Variants in FRMD5 observed in about 807,000 individuals in gnomAD.
FRMD5 encodes the protein FERM domain containing 5.
A neutral mutation model predicts 69.0 loss-of-function variants in FRMD5; 20 were observed. That is an observed-to-expected ratio of 0.29 (90% CI 0.20 to 0.42). FRMD5 has a LOEUF of 0.42. Ranked by LOEUF, FRMD5 falls within the 10% of genes least tolerant of loss-of-function variation. The probability of loss-of-function intolerance (pLI) is 1.00; values close to 1 mark genes in which losing one functional copy is unlikely to be tolerated. For synonymous variants in FRMD5, 271 were observed against 260.1 expected (o/e 1.04, Z -0.40); for missense variants, 595 against 708.6 (o/e 0.84, Z 1.82).
intron 1 of FRMD5, among the ~76,000 whole-genome samples, chr15:43,963,372 A>C (rs1168846688): frequency 6.6e-6 from 1 of 152,236 alleles, no homozygotes; most frequent in Non-Finnish European, 1.5e-5. Context: ...ATCTCATGCC[A>C]GTTAGAATGG....
chr15:44,034,335 G>C (rs1418688371), intron 1 of FRMD5, among the ~76,000 whole-genome samples: 1 of 152,038 alleles, frequency 6.6e-6, no homozygotes, highest in African/African-American at 2.4e-5. Flanking sequence ...TATTTTTTCA[G>C]GTTTTCTAGT....
chr15:43,885,573 TTTC>T (rs2088642680), intron 11 of FRMD5, 105 bp downstream of exon 11: 2 of 923,042 alleles, frequency 2.2e-6, no homozygotes, highest in Non-Finnish European at 3.6e-6. Context: ...ACCTCAGACT[TTTC>T]TGAGTCCTCC....
chr15:44,100,043 TTCTC>T (rs937862599), intron 1 of FRMD5, among the ~76,000 whole-genome samples: 3 of 150,056 alleles, frequency 2.0e-5, no homozygotes, highest in African/African-American at 4.9e-5. Flanking sequence ...TAGCTTCTTC[TTCTC>T]TTTTTTTTTT....
chr15:44,000,104 G>A (rs1338062293), intron 1 of FRMD5, among the ~76,000 whole-genome samples: 2 of 151,194 alleles, frequency 1.3e-5, no homozygotes, highest in Non-Finnish European at 1.5e-5. Flanking sequence ...CCATGCTTCT[G>A]CCTCAGCTTC....
intron 1 of FRMD5, among the ~76,000 whole-genome samples, chr15:44,187,129 T>A (rs1372556690): frequency 6.6e-6 from 1 of 152,220 alleles, no homozygotes; most frequent in Non-Finnish European, 1.5e-5. Flanking sequence ...TGATACCCTC[T>A]TTTTTGTCAG....
At chr15:44,056,409 AAAG>A (rs1388546205) in intron 1 of FRMD5, among the ~76,000 whole-genome samples, 1 of 152,234 alleles carries the variant, frequency 6.6e-6, no homozygotes, top group Non-Finnish European at 1.5e-5. Flanking sequence ...GTTCATCTGC[AAAG>A]AAGAATAAGA....
intron 11 of FRMD5, 150 bp from the exon 12 acceptor site, chr15:43,884,945 G>C: frequency 4.7e-6 from 3 of 633,778 alleles, no homozygotes; most frequent in Non-Finnish European, 8.4e-6. Context: ...AGAAAGGCTT[G>C]CTTGGTGGGG....
In FRMD5 at chr15:43,876,004, C is replaced by T. The variant is rs530014409; in HGVS notation, c.1136-1542G>A. On this transcript the variant is annotated intron_variant, in intron 13 of 13. Coordinates refer to ENST00000417257, the MANE Select transcript of FRMD5 (RefSeq NM_032892.5). Reference sequence around the variant, plus strand: ...GACCCTCTGGTCATCCAACCCAAGACGCCCCCTTGCCTGGCTTTATCTTCA... The same window carrying T: ...GACCCTCTGGTCATCCAACCCAAGATGCCCCCTTGCCTGGCTTTATCTTCA... The T allele has an allele frequency of 5.5e-5, 73 of 1,323,606 alleles. No homozygotes were observed. The South Asian group carries it at 7.2e-4, about 13-fold the overall frequency. The allele number at this position is 1,323,606 out of a possible 1,614,324, so 82.0% of individuals were successfully genotyped here.
intron 1 of FRMD5, among the ~76,000 whole-genome samples, chr15:44,132,022 T>C (rs2077107090): frequency 6.6e-6 from 1 of 152,186 alleles, no homozygotes; most frequent in Non-Finnish European, 1.5e-5. Flanking sequence ...TGAGGTTTTT[T>C]TCATACAACT....
chr15:44,147,781 G>A (rs564111745), intron 1 of FRMD5, among the ~76,000 whole-genome samples: 2 of 152,208 alleles, frequency 1.3e-5, no homozygotes, highest in Admixed American at 6.5e-5. Context: ...GGATGGTAAA[G>A]TGTGGTTAAT....
chr15:44,192,920 T>G (rs1209817417), intron 1 of FRMD5, among the ~76,000 whole-genome samples: 1 of 152,204 alleles, frequency 6.6e-6, no homozygotes. Context: ...GGCCTAGATA[T>G]TTTATAAAAT....
At position 44,181,067 on chromosome 15, in the gene FRMD5, T is replaced by A. The variant is rs372809289; in HGVS notation, c.102+13886A>T. On this transcript the variant is annotated intron_variant, in intron 1 of 13. Coordinates refer to ENST00000417257, the MANE Select transcript of FRMD5 (RefSeq NM_032892.5). ...CACTTTTTTTATTTTTAAGACCAGA[T>A]CTTGGTCTGTTGCCCAGGCTAGAGT... 2.6e-4 allele frequency among the ~76,000 whole-genome samples: 40 copies of A among 152,282 alleles called. 1 individual carries two copies. Among genetic ancestry groups the A allele is most frequent in the African/African-American group, 9.4e-4 (39 of 41,564 alleles).
intron 1 of FRMD5, among the ~76,000 whole-genome samples, chr15:44,145,148 C>T (rs767633299): frequency 4.6e-5 from 7 of 152,186 alleles, no homozygotes; most frequent in Non-Finnish European, 8.8e-5. Flanking sequence ...GACAGCCCTA[C>T]CTATAAAAGC....
intron 1 of FRMD5, among the ~76,000 whole-genome samples, chr15:44,111,881 C>T (rs1399631106): frequency 1.3e-5 from 2 of 151,360 alleles, no homozygotes; most frequent in South Asian, 2.1e-4. Context: ...GACAGAGTCT[C>T]GTGCTGTCGC....
intron 1 of FRMD5, among the ~76,000 whole-genome samples, chr15:43,955,097 T>G (rs1262408169): frequency 1.3e-5 from 2 of 152,204 alleles, no homozygotes; most frequent in African/African-American, 4.8e-5. Context: ...TAAAATAAAA[T>G]TTGTCCTCAG....
At chr15:43,915,675 A>AGAAATTAATCAGGATTTGGCAACT (rs2089373767) in intron 4 of FRMD5, among the ~76,000 whole-genome samples, 1 of 152,214 alleles carries the variant, frequency 6.6e-6, no homozygotes. Flanking sequence ...AAATGACAAA[A>AGAAATTAATCAGGATTTGGCAACT]GAAATTAATC....
chr15:44,195,884 T>A (rs2078287198), upstream of FRMD5, among the ~76,000 whole-genome samples: 1 of 79,232 alleles, frequency 1.3e-5, no homozygotes, highest in Non-Finnish European at 2.6e-5. Flanking sequence ...CCCTCCACTC[T>A]AACACCCTTT....
At chr15:44,182,400 G>T (rs1397776396) in intron 1 of FRMD5, among the ~76,000 whole-genome samples, 3 of 146,754 alleles carry the variant, frequency 2.0e-5, no homozygotes, top group African/African-American at 7.6e-5. Flanking sequence ...TGCGGTCTCG[G>T]CTCACTGCAA....
chr15:44,138,119 G>A (rs894179642), intron 1 of FRMD5, among the ~76,000 whole-genome samples: 1 of 152,056 alleles, frequency 6.6e-6, no homozygotes, highest in Admixed American at 6.6e-5. Context: ...ACTGTCATTC[G>A]AGTTAAGCTT....
Sources: gnomAD v4.1 joint callset for allele counts (sites outside exome capture counted in the v4.1 genomes callset) on GRCh38, gnomAD v4.1.1 for gene constraint, MANE v1.5 for transcripts, NCBI Gene and HGNC (gene_info 2026-07-23, HGNC 2026-07-21) for gene names.